The following ATP6V1A variants were observed in gnomAD, a reference collection of about 807,000 sequenced individuals.
ATP6V1A encodes ATPase H+ transporting V1 subunit A.
A neutral mutation model predicts 70.1 loss-of-function variants in ATP6V1A; 18 were observed. The ratio of observed to expected loss-of-function variants is 0.26; its 90% CI spans 0.18 to 0.38. ATP6V1A has a LOEUF of 0.38. Ranked by LOEUF, ATP6V1A falls within the 10% of genes least tolerant of loss-of-function variation. ATP6V1A has a pLI of 1.00. For missense variants in ATP6V1A, 424 were observed against 772.4 expected, an observed-to-expected ratio of 0.55 and a Z score of 5.35; for synonymous variants, 232 against 253.8, an observed-to-expected ratio of 0.91 and a Z score of 0.82.
intron 9 of ATP6V1A, 21 bp downstream of exon 9, chr3:113,795,015 T>C: frequency 6.2e-7 from 1 of 1,613,408 alleles, no homozygotes; most frequent in South Asian, 1.1e-5. Context: ...GTATTGCTTA[T>C]CATGTAAACA....
At chr3:113,789,151 G>A (rs1202072465) in intron 7 of ATP6V1A, among the ~76,000 whole-genome samples, 4 of 152,006 alleles carry the variant, frequency 2.6e-5, no homozygotes, top group African/African-American at 9.7e-5. Context: ...AGGTTCAAGC[G>A]ATTCTCCTTC....
intron 1 of ATP6V1A, among the ~76,000 whole-genome samples, chr3:113,749,093 T>C (rs1708556366): frequency 6.6e-6 from 1 of 152,154 alleles, no homozygotes; most frequent in South Asian, 2.1e-4. Context: ...AATGTCAGTA[T>C]GAAAGTGGTT....
chr3:113,767,530 C>T (rs1329655391), intron 1 of ATP6V1A, among the ~76,000 whole-genome samples: 1 of 152,140 alleles, frequency 6.6e-6, no homozygotes, highest in African/African-American at 2.4e-5. Flanking sequence ...ATCAGTTTTA[C>T]CATTGACCAT....
chr3:113,759,576 CTT>C (rs1244036474), intron 1 of ATP6V1A, among the ~76,000 whole-genome samples: 3 of 151,682 alleles, frequency 2.0e-5, no homozygotes, highest in Non-Finnish European at 2.9e-5. Context: ...AAAATTATAA[CTT>C]AATAAATTGA....
intron 2 of ATP6V1A, among the ~76,000 whole-genome samples, chr3:113,780,221 A>G (rs1708962896): frequency 6.6e-6 from 1 of 152,260 alleles, no homozygotes; most frequent in Non-Finnish European, 1.5e-5. Context: ...TAATTAACTC[A>G]TAAAGCTTTA....
chr3:113,795,068 A>G, intron 9 of ATP6V1A, 22 bp from the exon 10 acceptor site: 1 of 1,613,794 alleles, frequency 6.2e-7, no homozygotes, highest in Non-Finnish European at 8.5e-7. Flanking sequence ...ACTCTGTTTT[A>G]AAATTTCTTT....
chr3:113,784,579 G>T, intron 4 of ATP6V1A, 117 bp from the exon 5 acceptor site: 1 of 1,425,182 alleles, frequency 7.0e-7, no homozygotes. Context: ...CTACTTCATG[G>T]GATTTTAGAA....
intron 14 of ATP6V1A, among the ~76,000 whole-genome samples, chr3:113,808,151 A>C (rs986419066): frequency 6.7e-6 from 1 of 149,808 alleles, no homozygotes; most frequent in African/African-American, 2.5e-5. Context: ...AAAACAAAGA[A>C]AAGAAAAGAA....
intron 12 of ATP6V1A, among the ~76,000 whole-genome samples, chr3:113,800,719 A>G (rs1194223204): frequency 6.6e-6 from 1 of 152,240 alleles, no homozygotes; most frequent in Non-Finnish European, 1.5e-5. Flanking sequence ...GACTTCTAAA[A>G]TAAACCCCTT....
chr3:113,803,384 TGG>T (rs1272051780), intron 12 of ATP6V1A, 197 bp from the exon 13 acceptor site: 1 of 545,528 alleles, frequency 1.8e-6, no homozygotes. Flanking sequence ...TAATTAAAAG[TGG>T]CAAAGATGGT....
rs868062988 is a variant in ATP6V1A at position 113,797,257 on chromosome 3, T to A, written c.1291-986T>A. ...TGGCCCAGAACAGTTAAAAAAAAAATTTTTTTTTTTTTGAGATGGAATCTC... is the reference window on the plus strand; with the variant it reads ...TGGCCCAGAACAGTTAAAAAAAAAAATTTTTTTTTTTTGAGATGGAATCTC... On this transcript the variant is annotated intron_variant, in intron 11 of 14. Coordinates refer to ENST00000273398, the MANE Select transcript of ATP6V1A (RefSeq NM_001690.4). Among the ~76,000 whole-genome samples, 13 of 123,502 alleles carry A rather than the reference T, an allele frequency of 1.1e-4. No homozygotes were observed. The Middle Eastern group carries it at 0.032, about 308-fold the overall frequency. The allele number at this position is 123,502 out of a possible 152,430, so 81.0% of individuals were successfully genotyped here.
intron 1 of ATP6V1A, among the ~76,000 whole-genome samples, chr3:113,751,238 CAAAG>C (rs1708582623): frequency 6.6e-6 from 1 of 151,742 alleles, no homozygotes; most frequent in South Asian, 2.1e-4. Context: ...ATGAAATAGA[CAAAG>C]AAATGTAGAG....
At chr3:113,802,593 C>T (rs1324775977) in intron 12 of ATP6V1A, among the ~76,000 whole-genome samples, 1 of 151,988 alleles carries the variant, frequency 6.6e-6, no homozygotes, top group Non-Finnish European at 1.5e-5. Context: ...TCCCAAAGTG[C>T]TGGGATTATA....
At chr3:113,755,070 A>G (rs1708631720) in intron 1 of ATP6V1A, among the ~76,000 whole-genome samples, 1 of 152,126 alleles carries the variant, frequency 6.6e-6, no homozygotes. Context: ...GAGTTGGGAT[A>G]TATGTAAATA....
chr3:113,761,585 A>G (rs1305855789), intron 1 of ATP6V1A, among the ~76,000 whole-genome samples: 2 of 151,504 alleles, frequency 1.3e-5, no homozygotes, highest in African/African-American at 2.4e-5. Flanking sequence ...AAAAATACAT[A>G]ATTAGCCGGG....
At position 113,760,976 on chromosome 3, in the gene ATP6V1A, A is replaced by G. The variant is rs568995519; in HGVS notation, c.-14+13863A>G. On this transcript the variant is annotated intron_variant, in intron 1 of 14. Transcript: ENST00000273398. ...CAGCTATTCGGGAGGCGGAGGCAGT[A>G]GAATTGCTTGAATCCGGGAGGGGGA... 2.8e-4 allele frequency among the ~76,000 whole-genome samples: 43 copies of G among 152,062 alleles called. 1 individual carries two copies. The East Asian group carries it at 7.8e-3, about 27-fold the overall frequency.
At chr3:113,757,989 C>G (rs1420884960) in intron 1 of ATP6V1A, among the ~76,000 whole-genome samples, 1 of 152,014 alleles carries the variant, frequency 6.6e-6, no homozygotes, top group Non-Finnish European at 1.5e-5. Context: ...ACTGAAAATA[C>G]AAAAATTAGC....
chr3:113,773,228 G>A (rs949428425), intron 1 of ATP6V1A, among the ~76,000 whole-genome samples: 2 of 152,052 alleles, frequency 1.3e-5, no homozygotes, highest in Non-Finnish European at 2.9e-5. Flanking sequence ...GTGAGCCACC[G>A]TGCCTGGCCA....
chr3:113,801,249 TG>T (rs1709209272), intron 12 of ATP6V1A: 7 of 148,546 alleles, frequency 4.7e-5, no homozygotes, highest in African/African-American at 1.7e-4. Context: ...AAAAAAAAAC[TG>T]ATGGACTAAT....
Sources: allele counts gnomAD v4.1 joint callset (sites outside exome capture counted in the v4.1 genomes callset), GRCh38; gene constraint gnomAD v4.1.1; transcripts MANE v1.5; gene names NCBI Gene and HGNC (gene_info 2026-07-23, HGNC 2026-07-21).